DGKG: variants seen among roughly 807,000 people sequenced by gnomAD.
DGKG encodes the protein DAG kinase gamma.
Under a neutral mutation model 105.3 loss-of-function variants are expected in DGKG, and 78 were observed. That is an observed-to-expected ratio of 0.74 (90% confidence interval 0.62 to 0.89). The LOEUF is 0.89. Among genes scored for constraint, DGKG ranks in the 40% least tolerant of loss-of-function variants. The pLI is 0.00. For synonymous variants in DGKG, 346 were observed against 367.1 expected (o/e 0.94, Z 0.66); for missense variants, 958 against 1,020.1 (o/e 0.94, Z 0.83).
chr3:186,297,068 T>TCACACACACACACA (rs55826465), intron 5 of DGKG, among the ~76,000 whole-genome samples: 5,087 of 130,290 alleles, frequency 0.039, 129 homozygotes, highest in Middle Eastern at 0.053. Context: ...TCTGTCTCTC[T>TCACACACACACACA]CACACACACA....
intron 23 of DGKG, among the ~76,000 whole-genome samples, chr3:186,162,895 G>A (rs1480938076): frequency 1.3e-5 from 2 of 152,106 alleles, no homozygotes; most frequent in Admixed American, 1.3e-4. Flanking sequence ...GGGGTTGCAT[G>A]GACTGTGGGC....
intron 21 of DGKG, among the ~76,000 whole-genome samples, chr3:186,204,007 G>A (rs867985239): frequency 6.6e-6 from 1 of 152,208 alleles, no homozygotes; most frequent in Non-Finnish European, 1.5e-5. Flanking sequence ...AGTAGAGAAT[G>A]CCCACAGCTG....
chr3:186,156,754 T>C (rs1186411832), intron 24 of DGKG, among the ~76,000 whole-genome samples: 1 of 152,058 alleles, frequency 6.6e-6, no homozygotes, highest in African/African-American at 2.4e-5. Context: ...ATTGCTTATA[T>C]AATGATATTT....
intron 20 of DGKG, among the ~76,000 whole-genome samples, chr3:186,242,158 G>A (rs1054546067): frequency 1.2e-4 from 19 of 152,180 alleles, no homozygotes; most frequent in African/African-American, 4.6e-4. Context: ...GGGGTTGGAG[G>A]CGCTGTACTT....
chr3:186,292,635 A>T (rs1723361529), intron 5 of DGKG, among the ~76,000 whole-genome samples: 1 of 151,878 alleles, frequency 6.6e-6, no homozygotes, highest in African/African-American at 2.4e-5. Context: ...CTCTACTAAA[A>T]ATACAAAAAT....
intron 7 of DGKG, among the ~76,000 whole-genome samples, chr3:186,281,965 C>T (rs1472057727): frequency 6.6e-6 from 1 of 152,180 alleles, no homozygotes; most frequent in African/African-American, 2.4e-5. Flanking sequence ...CATTTACAAA[C>T]CAGAGCTTGT....
At chr3:186,332,300 C>T (rs1326250550) in intron 1 of DGKG, among the ~76,000 whole-genome samples, 2 of 152,302 alleles carry the variant, frequency 1.3e-5, no homozygotes, top group Non-Finnish European at 2.9e-5. Context: ...GAAAGAAAAC[C>T]TTGCTCTTGC....
At chr3:186,160,629 C>T (rs1479333050) in intron 24 of DGKG, 9 of 985,354 alleles carry the variant, frequency 9.1e-6, no homozygotes, top group East Asian at 1.1e-4. Flanking sequence ...CTGGAGGGCT[C>T]AAAATAGCAG....
chr3:186,328,350 G>C (rs1725443988), intron 1 of DGKG, among the ~76,000 whole-genome samples: 1 of 152,196 alleles, frequency 6.6e-6, no homozygotes, highest in Non-Finnish European at 1.5e-5. Flanking sequence ...GGCAAGAGAA[G>C]TGGTGCAGAT....
chr3:186,149,022 A>G lies in DGKG; in HGVS notation c.*1068T>C. 1 of 978,620 alleles carries G rather than the reference A, an allele frequency of 1.0e-6. No individual in the cohort carries two copies. The highest frequency in any genetic ancestry group is 1.2e-6 in the Non-Finnish European group (1 of 825,646). The allele number at this position is 978,620 out of a possible 1,614,324, so 60.6% of individuals were successfully genotyped here. A position where few individuals can be genotyped will look rare whatever the true frequency, so the allele number is the denominator to read the frequency against. ...TATATATACACGCACACACACACAC[A>G]CACGCGCGCACACACGTTAAGACCA... On this transcript the variant is annotated 3_prime_UTR_variant, in exon 25 of 25. Transcript: ENST00000265022.
rs191419023 is a variant in DGKG at position 186,284,992 on chromosome 3, C to T, written c.545-283G>A. On this transcript the variant is annotated intron_variant, in intron 6 of 24. Coordinates refer to ENST00000265022, the MANE Select transcript of DGKG (RefSeq NM_001346.3). This position sits in a 1 kb window ranked among gnomAD's most constrained non-coding sequence, Gnocchi z 4.0. ...CCTGGGGAGCATGAACACATTTCAG[C>T]GTCACTAGAACACAACCTAAAGCAA... Among the ~76,000 whole-genome samples, 13 of 152,282 alleles carry T rather than the reference C, an allele frequency of 8.5e-5. No individual in the cohort carries two copies. The highest frequency in any genetic ancestry group is 5.9e-4 in the Admixed American group (9 of 15,302).
intron 1 of DGKG, among the ~76,000 whole-genome samples, chr3:186,352,109 T>G (rs1298004487): frequency 6.6e-6 from 1 of 152,094 alleles, no homozygotes; most frequent in African/African-American, 2.4e-5. Context: ...AATGTTAATG[T>G]TAAACAGACT....
chr3:186,357,380 C>T (rs1201359081), intron 1 of DGKG, among the ~76,000 whole-genome samples: 1 of 152,040 alleles, frequency 6.6e-6, no homozygotes. Context: ...TCACAACACA[C>T]AGCAGTTATT....
intron 20 of DGKG, among the ~76,000 whole-genome samples, chr3:186,240,165 C>T (rs1452006383): frequency 2.0e-5 from 3 of 152,168 alleles, no homozygotes; most frequent in African/African-American, 7.2e-5. Context: ...CGTATCTTTT[C>T]GTACATTTGC....
chr3:186,219,578 G>T (rs777818612), intron 20 of DGKG, among the ~76,000 whole-genome samples: 4 of 152,164 alleles, frequency 2.6e-5, no homozygotes, highest in Non-Finnish European at 5.9e-5. Context: ...CAGCTTCAAG[G>T]CGCGAGGTAT....
chr3:186,276,769 G>C (rs1271022566), intron 9 of DGKG, among the ~76,000 whole-genome samples: 1 of 152,192 alleles, frequency 6.6e-6, no homozygotes, highest in Non-Finnish European at 1.5e-5. Flanking sequence ...TCCATTACAA[G>C]AGTAACACTC....
intron 22 of DGKG, among the ~76,000 whole-genome samples, chr3:186,178,199 T>G (rs1717183549): frequency 6.6e-6 from 1 of 152,182 alleles, no homozygotes; most frequent in African/African-American, 2.4e-5. Flanking sequence ...CAGTCCATGG[T>G]ATTCTGTTAC....
At chr3:186,327,387 CTTCT>C (rs1714457553) in intron 1 of DGKG, among the ~76,000 whole-genome samples, 1 of 139,532 alleles carries the variant, frequency 7.2e-6, no homozygotes, top group African/African-American at 2.9e-5. Context: ...TCTTTTTCTT[CTTCT>C]TTTTTTTTTT....
Position 186,148,232 on chromosome 3 carries a change from C to G in DGKG, c.*1858G>C. On this transcript the variant is annotated 3_prime_UTR_variant, in exon 25 of 25. Transcript: ENST00000265022. ...TGAAGCCCACTGAGCTCTGCTGAGA[C>G]CCCTCTGTCCTGGCTGGCAGTATCT... 1 of 985,472 alleles carries G rather than the reference C, an allele frequency of 1.0e-6. No homozygotes were observed. The highest frequency in any genetic ancestry group is 1.2e-6 in the Non-Finnish European group (1 of 829,968). 61.0% of individuals were successfully genotyped at this position (985,472 alleles called of 1,614,324 possible). A position where few individuals can be genotyped will look rare whatever the true frequency, so the allele number is the denominator to read the frequency against.
Sources: allele counts gnomAD v4.1 joint callset (sites outside exome capture counted in the v4.1 genomes callset), GRCh38; gene constraint gnomAD v4.1.1; non-coding constraint Gnocchi (gnomAD v3.1); transcripts MANE v1.5; gene names NCBI Gene and HGNC (gene_info 2026-07-23, HGNC 2026-07-21).